NDRG1: variants seen among roughly 807,000 people sequenced by gnomAD.
NDRG1 encodes the protein N-myc downstream regulated 1, also known as protein NDRG1.
In NDRG1, 32 loss-of-function variants were observed where a neutral mutation model predicts 56.9. That is an observed-to-expected ratio of 0.56 (90% CI 0.42 to 0.76). The LOEUF (loss-of-function observed/expected upper bound fraction) is 0.76, where lower values mean the gene tolerates loss of function less well. NDRG1 is among the 30% of genes least tolerant of loss of function. The pLI is 0.00. For synonymous variants in NDRG1, 211 were observed against 204.1 expected, an observed-to-expected ratio of 1.03 and a Z score of -0.29; for missense variants, 507 against 545.7, an observed-to-expected ratio of 0.93 and a Z score of 0.71.
intron 5 of NDRG1, among the ~76,000 whole-genome samples, chr8:133,260,567 C>T (rs987823733): frequency 1.3e-5 from 2 of 152,212 alleles, no homozygotes; most frequent in Non-Finnish European, 2.9e-5. Context: ...CTAAGAGTCT[C>T]TGCTTTCCCC....
intron 5 of NDRG1, chr8:133,259,518 A>G (rs1856558992): frequency 2.1e-6 from 1 of 485,370 alleles, no homozygotes; most frequent in Admixed American, 3.3e-5. Context: ...GCAAGATTAT[A>G]AACATCACTG....
chr8:133,272,342 A>C (rs190983388), intron 3 of NDRG1, among the ~76,000 whole-genome samples: 1 of 152,332 alleles, frequency 6.6e-6, no homozygotes, highest in East Asian at 1.9e-4. Context: ...GGAGCAGGGG[A>C]GGGCGACAAA....
At chr8:133,260,295 G>A (rs1384454552) in intron 5 of NDRG1, among the ~76,000 whole-genome samples, 2 of 152,128 alleles carry the variant, frequency 1.3e-5, no homozygotes, top group South Asian at 4.1e-4. Flanking sequence ...TGCTGTCTCG[G>A]CTTCAGAATA....
At chr8:133,264,767 C>T in intron 3 of NDRG1, 115 bp from the exon 4 acceptor site, 1 of 874,890 alleles carries the variant, frequency 1.1e-6, no homozygotes, top group Non-Finnish European at 1.9e-6. Flanking sequence ...TCTCATCTGG[C>T]CATAAGAGCC....
chr8:133,286,826 C>G (rs2077318), intron 1 of NDRG1, among the ~76,000 whole-genome samples: 53,981 of 152,040 alleles, frequency 0.36, 9,940 homozygotes, highest in East Asian at 0.5. Flanking sequence ...TGAAGTCTGC[C>G]GGGAGACTGG....
intron 9 of NDRG1, among the ~76,000 whole-genome samples, chr8:133,250,856 C>T (rs1377908818): frequency 6.7e-6 from 1 of 148,886 alleles, no homozygotes; most frequent in Non-Finnish European, 1.5e-5. Flanking sequence ...TTAGCTTCAT[C>T]ACTGTCCCTT....
At chr8:133,285,752 C>T (rs1297514712) in intron 1 of NDRG1, among the ~76,000 whole-genome samples, 3 of 151,972 alleles carry the variant, frequency 2.0e-5, no homozygotes, top group African/African-American at 4.8e-5. Context: ...TTTATACAGA[C>T]TTTGGAGTCT....
At chr8:133,260,214 A>T (rs1856593048) in intron 5 of NDRG1, among the ~76,000 whole-genome samples, 1 of 152,122 alleles carries the variant, frequency 6.6e-6, no homozygotes, top group South Asian at 2.1e-4. Context: ...TTCTACTTCC[A>T]AGGTCCCTCC....
intron 5 of NDRG1, among the ~76,000 whole-genome samples, chr8:133,260,036 G>A (rs1270903579): frequency 6.6e-6 from 1 of 152,214 alleles, no homozygotes; most frequent in Non-Finnish European, 1.5e-5. Flanking sequence ...GAGCTGAGAA[G>A]CCGCAGGGCA....
intron 10 of NDRG1, among the ~76,000 whole-genome samples, chr8:133,249,855 G>A (rs966844514): frequency 1.3e-5 from 2 of 152,198 alleles, no homozygotes; most frequent in Admixed American, 6.5e-5. Flanking sequence ...CCTGTTCTGC[G>A]AGCGTGGCAG....
At position 133,264,402 on chromosome 8, in the gene NDRG1, G is replaced by A. The variant is rs192231478; in HGVS notation, c.205+145C>T. 1.1e-5 allele frequency: 8 copies of A among 759,036 alleles called. No individual in the cohort carries two copies. In the Admixed American group the frequency reaches 1.2e-4, roughly 11 times the overall value. The allele number at this position is 759,036 out of a possible 1,614,324, so 47.0% of individuals were successfully genotyped here. ...CGCATTTCTGGCTTTTCCAGGCTGT[G>A]GCAAGAGTTCTTCCCAGAACAGCCC... is the stretch of plus-strand genomic sequence containing the variant. On this transcript the variant is annotated intron_variant, in intron 4 of 15. Transcript: ENST00000323851.
chr8:133,284,445 C>A, intron 1 of NDRG1, 116 bp from the exon 2 acceptor site: 1 of 875,222 alleles, frequency 1.1e-6, no homozygotes, highest in Non-Finnish European at 1.9e-6. Flanking sequence ...AGCAGCTTCA[C>A]CTCCCTCGTG....
chr8:133,249,261 G>A, intron 10 of NDRG1: 1 of 226,342 alleles, frequency 4.4e-6, no homozygotes, highest in South Asian at 6.6e-5. Context: ...GTTTCCCACT[G>A]CACTCGTGTG....
At chr8:133,285,023 G>C (rs893499521) in intron 1 of NDRG1, 1 of 370,224 alleles carries the variant, frequency 2.7e-6, no homozygotes, top group Admixed American at 3.2e-5. Context: ...CAAAGCAGGG[G>C]ATGGACCAGA....
At chr8:133,270,986 T>C (rs1390186861) in intron 3 of NDRG1, among the ~76,000 whole-genome samples, 1 of 152,184 alleles carries the variant, frequency 6.6e-6, no homozygotes, top group African/African-American at 2.4e-5. Flanking sequence ...TTTCCCTCCA[T>C]GTCAGTTGTT....
intron 8 of NDRG1, chr8:133,255,648 G>A: frequency 3.4e-6 from 1 of 294,572 alleles, no homozygotes; most frequent in Non-Finnish European, 6.7e-6. Context: ...CTGGACGGAA[G>A]GGCTCCTGCA....
At chr8:133,272,807 G>A (rs1857260249) in intron 3 of NDRG1, among the ~76,000 whole-genome samples, 1 of 152,202 alleles carries the variant, frequency 6.6e-6, no homozygotes, top group South Asian at 2.1e-4. Flanking sequence ...GGGCGAGAAT[G>A]GGAAATGGTG....
Position 133,244,289 on chromosome 8 carries a change from A to C in NDRG1, c.891+66T>G, listed in dbSNP as rs1310606404. ...GGTAATGAGGGAACAGGTGTCACAGAGGCACATGCACTCCACCCAGGGGGA... is the reference window on the plus strand; with the variant it reads ...GGTAATGAGGGAACAGGTGTCACAGCGGCACATGCACTCCACCCAGGGGGA... On this transcript the variant is annotated intron_variant, in intron 14 of 15. Transcript: ENST00000323851. The C allele has an allele frequency of 7.0e-6, 11 of 1,574,064 alleles. No homozygotes were observed. The East Asian group carries it at 2.2e-4, about 32-fold the overall frequency.
At chr8:133,277,777 C>T (rs1857538391) in intron 3 of NDRG1, among the ~76,000 whole-genome samples, 1 of 152,144 alleles carries the variant, frequency 6.6e-6, no homozygotes, top group Non-Finnish European at 1.5e-5. Flanking sequence ...ATGTTTGGCC[C>T]GGCACTGATG....
Sources: allele counts gnomAD v4.1 joint callset (sites outside exome capture counted in the v4.1 genomes callset), GRCh38; gene constraint gnomAD v4.1.1; transcripts MANE v1.5; gene names NCBI Gene and HGNC (gene_info 2026-07-23, HGNC 2026-07-21).